PARP9: variants seen among roughly 807,000 people sequenced by gnomAD.
PARP9 encodes the protein protein mono-ADP-ribosyltransferase PARP9.
Under a neutral mutation model 68.8 loss-of-function variants are expected in PARP9, and 48 were observed. The ratio of observed to expected loss-of-function variants is 0.70; its 90% CI spans 0.55 to 0.89. PARP9 has a LOEUF of 0.89. PARP9 is among the 40% of genes least tolerant of loss of function. The pLI, the probability that PARP9 is intolerant of heterozygous loss-of-function variation, is 0.00. For missense variants in PARP9, 806 were observed against 969.3 expected, an observed-to-expected ratio of 0.83 and a Z score of 2.24; for synonymous variants, 309 against 333.8, an observed-to-expected ratio of 0.93 and a Z score of 0.81.
At chr3:122,535,793 A>C in intron 10 of PARP9, 1 of 1,043,350 alleles carries the variant, frequency 9.6e-7, no homozygotes, top group Non-Finnish European at 1.1e-6. Context: ...TAATTAAGGG[A>C]TGAGGACGGT....
chr3:122,535,922 G>C, intron 10 of PARP9: 1 of 1,386,042 alleles, frequency 7.2e-7, no homozygotes, highest in Non-Finnish European at 9.3e-7. Flanking sequence ...ACAGTGAACC[G>C]TAGTTCTTAC....
chr3:122,537,624 A>G (rs774175974), intron 8 of PARP9, among the ~76,000 whole-genome samples: 6 of 152,260 alleles, frequency 3.9e-5, no homozygotes, highest in Non-Finnish European at 8.8e-5. Flanking sequence ...TAAAGAACTA[A>G]GATTACAAAC....
intron 3 of PARP9, 21 bp from the exon 4 acceptor site, chr3:122,556,142 A>T (rs779307042): frequency 8.2e-5 from 16 of 194,076 alleles, no homozygotes; most frequent in African/African-American, 7.9e-5. Flanking sequence ...AGAGAAGATT[A>T]AAAAAAAAAA....
intron 6 of PARP9, among the ~76,000 whole-genome samples, chr3:122,546,989 TATATATATATATATATATATATATAC>T (rs1247822644): frequency 1.8e-4 from 14 of 75,802 alleles, no homozygotes; most frequent in East Asian, 8.5e-4. Context: ...TATATATATA[TATATATATATATATATATATATATAC>T]ACACACACAC....
At chr3:122,558,206 G>A (rs1231930511) in intron 3 of PARP9, 3 of 1,241,040 alleles carry the variant, frequency 2.4e-6, no homozygotes, top group Non-Finnish European at 2.2e-6. Context: ...CGTTAAAAGA[G>A]TCTCACATTT....
At chr3:122,531,860 T>C (rs2077332301) in intron 10 of PARP9, 1 of 152,194 alleles carries the variant, frequency 6.6e-6, no homozygotes, top group Admixed American at 6.5e-5. Context: ...ATTTTTCTCA[T>C]TTCAAGACAA....
chr3:122,551,703 A>G (rs114068548), intron 5 of PARP9, among the ~76,000 whole-genome samples: 1 of 152,286 alleles, frequency 6.6e-6, no homozygotes, highest in African/African-American at 2.4e-5. Context: ...TTTGATTGGA[A>G]TGATGCTGGA....
rs3216715 is a variant in PARP9, at chr3:122,552,357, TA to T, written c.1107+60del. The T allele has an allele frequency of 7.1e-3, 7,897 of 1,117,692 alleles. 2 individuals carry two copies. Among genetic ancestry groups the T allele is most frequent in the African/African-American group, 0.014 (877 of 62,338 alleles). The allele number at this position is 1,117,692 out of a possible 1,614,324, so 69.2% of individuals were successfully genotyped here. On this transcript the variant is annotated intron_variant, in intron 5 of 10. Coordinates refer to ENST00000682323, the MANE Select transcript of PARP9 (RefSeq NM_001146105.2). The stretch of plus-strand genomic sequence containing the variant: ...TGTAATGAAATGATGGAAATTTGTT[TA>T]AAAAAAAAAGACTGTATAGACTATG...
At chr3:122,533,751 A>C in intron 10 of PARP9, 1 of 985,478 alleles carries the variant, frequency 1.0e-6, no homozygotes, top group Non-Finnish European at 1.2e-6. Flanking sequence ...CAAGTCCTAC[A>C]AGCAAGAGAT....
intron 6 of PARP9, among the ~76,000 whole-genome samples, chr3:122,547,071 T>TACAC (rs200287350): frequency 4.0e-5 from 5 of 125,720 alleles, no homozygotes; most frequent in South Asian, 2.6e-4. Context: ...CATACATATA[T>TACAC]ACACACACAC....
chr3:122,538,121 C>A (rs2077790465), intron 8 of PARP9, among the ~76,000 whole-genome samples: 1 of 152,126 alleles, frequency 6.6e-6, no homozygotes, highest in Admixed American at 6.5e-5. Context: ...GTAGGAGGGA[C>A]AAAACTCCAT....
Position 122,559,666 on chromosome 3 carries a change from G to C in PARP9, c.-46C>G. On this transcript the variant is annotated 5_prime_UTR_variant, in exon 2 of 11. Transcript: ENST00000682323. The stretch of plus-strand genomic sequence containing the variant: ...TCTTTAAATGTTTATTCCCTTTTGC[G>C]CTTCAAAGCATAGACTGTAGTTTCC... 3 of 1,555,366 alleles carry C rather than the reference G, an allele frequency of 1.9e-6. No homozygotes were observed. The highest frequency in any genetic ancestry group is 2.6e-6 in the Non-Finnish European group (3 of 1,152,128).
chr3:122,559,745 GC>G (rs1166348671), intron 1 of PARP9, 36 bp from the exon 2 acceptor site: 2 of 895,532 alleles, frequency 2.2e-6, no homozygotes, highest in African/African-American at 3.4e-5. Context: ...ATAAACATTA[GC>G]CAGAATCTTA....
At position 122,555,961 on chromosome 3, in the gene PARP9, T is replaced by C. The variant is rs1031838142; in HGVS notation, c.210A>G (p.Lys70=). Residue 70 remains lysine, a synonymous_variant, in exon 4 of 11, where the codon AAA becomes AAG. Coordinates refer to ENST00000682323, the MANE Select transcript of PARP9 (RefSeq NM_001146105.2). Reference sequence around the variant, plus strand: ...GCATTTTTCTGAACACTTGCAGAGATTTGCTGTTGCCTTCCTGAACTGGAG... The same window carrying C: ...GCATTTTTCTGAACACTTGCAGAGACTTGCTGTTGCCTTCCTGAACTGGAG... ...LVSPVQEGNS[K]SLQVFRKMLT... The C allele has an allele frequency of 2.5e-6, 4 of 1,613,632 alleles. No individual in the cohort carries two copies. Among genetic ancestry groups the C allele is most frequent in the East Asian group, 4.5e-5 (2 of 44,878 alleles).
In PARP9 at chr3:122,552,669, T is replaced by TG. The variant is rs142737042; in HGVS notation, c.886-31dup. The TG allele has an allele frequency of 5.1e-4, 760 of 1,498,546 alleles. 4 individuals are homozygous for TG. In the African/African-American group the frequency reaches 9.3e-3, roughly 18 times the overall value. 92.8% of individuals were successfully genotyped at this position (1,498,546 alleles called of 1,614,324 possible). On this transcript the variant is annotated intron_variant, in intron 4 of 10. Coordinates refer to ENST00000682323, the MANE Select transcript of PARP9 (RefSeq NM_001146105.2). ...AAAGGGAAGAAAGGGTAGGATTCATTGTTAAATTCCTTCTTCTTAAATGAC... is the reference window on the plus strand; with the variant it reads ...AAAGGGAAGAAAGGGTAGGATTCATTGGTTAAATTCCTTCTTCTTAAATGAC...
upstream of PARP9, chr3:122,564,389 C>T (rs2080504722): frequency 1.3e-6 from 2 of 1,578,214 alleles, no homozygotes; most frequent in Non-Finnish European, 1.7e-6. Context: ...CGCCCAGCTG[C>T]CTCCCGGAGC....
intron 2 of PARP9, 98 bp downstream of exon 2, chr3:122,559,508 T>C: frequency 8.1e-7 from 1 of 1,236,820 alleles, no homozygotes; most frequent in Non-Finnish European, 1.1e-6. Context: ...GATGAGGATG[T>C]CAACTGTTGG....
Position 122,555,423 on chromosome 3 carries a change from C to G in PARP9, c.748G>C (p.Val250Leu), listed in dbSNP as rs1051124300. The change falls in exon 4 of 11, where the codon GTT becomes CTT. Residue 250 changes from valine (V) to leucine (L), a missense_variant. Val to Leu is a conservative substitution (Grantham distance 32). This residue lies in a region of PARP9 where 680 missense variants were observed against 858.8 expected (regional missense o/e 0.79). Transcript: ENST00000682323. ...IHLVSNEDPTVAAFKAASEFI... is the reference protein window; with the variant it reads ...IHLVSNEDPTLAAFKAASEFI... ...TCTGAAGCAGCTTTAAAGGCAGCAA[C>G]AGTAGGGTCCTCATTGCTCACCAGG... The G allele has an allele frequency of 6.2e-7, 1 of 1,614,150 alleles. No individual in the cohort carries two copies. Among genetic ancestry groups the G allele is most frequent in the Non-Finnish European group, 8.5e-7 (1 of 1,180,032 alleles).
chr3:122,539,727 A>T (rs940389562), intron 8 of PARP9, among the ~76,000 whole-genome samples: 1 of 151,392 alleles, frequency 6.6e-6, no homozygotes, highest in South Asian at 2.1e-4. Flanking sequence ...TGCCTGGCTA[A>T]TTTTTTTTGT....
Sources: gnomAD v4.1 joint callset for allele counts (sites outside exome capture counted in the v4.1 genomes callset) on GRCh38, gnomAD v4.1.1 for gene constraint, gnomAD v4.1.1 regional missense constraint, MANE v1.5 for transcripts, NCBI Gene and HGNC (gene_info 2026-07-23, HGNC 2026-07-21) for gene names.